The following SPEG variants were observed in gnomAD, a reference collection of about 807,000 sequenced individuals.
SPEG encodes the protein striated muscle enriched protein kinase.
SPEG carries 114 observed loss-of-function variants against 300.4 expected under a neutral mutation model. The observed-to-expected ratio is 0.38, with a 90% CI of 0.33 to 0.44. The LOEUF (loss-of-function observed/expected upper bound fraction) is 0.44. SPEG is among the 20% of genes least tolerant of loss of function. The pLI, the probability that SPEG is intolerant of heterozygous loss-of-function variation, is 1.00. For missense variants in SPEG, 4,201 were observed against 4,586.2 expected (o/e 0.92, Z 2.43); for synonymous variants, 1,964 against 2,018.9 (o/e 0.97, Z 0.73).
At chr2:219,455,122 A>T (rs1052746812) in intron 6 of SPEG, among the ~76,000 whole-genome samples, 31 of 152,086 alleles carry the variant, frequency 2.0e-4, no homozygotes, top group African/African-American at 6.8e-4. Flanking sequence ...AATAAATAAA[A>T]AATACATGAC....
Position 219,448,263 on chromosome 2 carries a change from G to A in SPEG, c.1105G>A (p.Ala369Thr), listed in dbSNP as rs765114391. ...GTCCGGGCCCTCCCTGGCGGGCACC[G>A]CGGAATCCCGACCCCAGACGCCACT... is the stretch of plus-strand genomic sequence containing the variant. Reference protein sequence around the residue: ...KSSGPSLAGTAESRPQTPLSE... With the variant: ...KSSGPSLAGTTESRPQTPLSE... The change falls in exon 4 of 41, where the codon GCG becomes ACG. Residue 369 changes from alanine to threonine, a missense_variant. Physicochemically the swap from Ala to Thr is moderately conservative, Grantham distance 58 (BLOSUM62 0). Coordinates refer to ENST00000312358, the MANE Select transcript of SPEG (RefSeq NM_005876.5). 1.2e-6 allele frequency: 2 copies of A among 1,611,986 alleles called. No homozygotes were observed. The highest frequency in any genetic ancestry group is 1.3e-5 in the African/African-American group (1 of 74,890).
intron 28 of SPEG, chr2:219,482,125 A>C: frequency 4.6e-6 from 1 of 215,504 alleles, no homozygotes. Flanking sequence ...TTCATCTTCA[A>C]ACCCCAGTGC....
At chr2:219,482,898 C>T (rs1692989054) in intron 29 of SPEG, 46 bp downstream of exon 29, 1 of 1,581,406 alleles carries the variant, frequency 6.3e-7, no homozygotes. Context: ...TTCTCCTTTT[C>T]TCTAGCACTG....
At position 219,477,712 on chromosome 2, in the gene SPEG, G is replaced by C. The variant is rs754495766; in HGVS notation, c.4753G>C (p.Gly1585Arg). ...HSAQTAMEVE[G>R]VGEDEDHRGR... ...AGCTCAGACAGCTATGGAGGTCGAGGGGGTCGGGGAGGATGAGGACCATCG... is the reference window on the plus strand; with the variant it reads ...AGCTCAGACAGCTATGGAGGTCGAGCGGGTCGGGGAGGATGAGGACCATCG... Residue 1585 changes from glycine (G) to arginine (R), a missense_variant, in exon 21 of 41, where the codon GGG becomes CGG. Coordinates refer to ENST00000312358, the MANE Select transcript of SPEG (RefSeq NM_005876.5). The surrounding 1 kb of genome is among the most constrained non-coding windows in gnomAD (Gnocchi z 6.4). 11 of 1,600,124 alleles carry C rather than the reference G, an allele frequency of 6.9e-6. No individual in the cohort carries two copies. The highest frequency in any genetic ancestry group is 8.5e-6 in the Non-Finnish European group (10 of 1,171,432).
chr2:219,465,932 T>C (rs989279160), intron 9 of SPEG: 21 of 631,574 alleles, frequency 3.3e-5, no homozygotes, highest in African/African-American at 2.6e-4. Context: ...TGCGCGCGTG[T>C]GCGTGCACGT....
At chr2:219,467,109 G>A (rs1691436044) in intron 9 of SPEG, 65 bp from the exon 10 acceptor site, 3 of 1,495,224 alleles carry the variant, frequency 2.0e-6, no homozygotes, top group Non-Finnish European at 2.7e-6. Flanking sequence ...GCGTGCGTAT[G>A]TGTGTCTCCC....
At position 219,461,941 on chromosome 2, in the gene SPEG, C is replaced by A. The variant is rs768953678; in HGVS notation, c.2500C>A (p.Pro834Thr). The change falls in exon 7 of 41, where the codon CCA (proline) becomes ACA (threonine). Residue 834 changes from proline to threonine, a missense_variant. Pro to Thr is a conservative substitution (Grantham distance 38, BLOSUM62 -1). Coordinates refer to ENST00000312358, the MANE Select transcript of SPEG (RefSeq NM_005876.5). ...ITSDEEYLSP[P>T]EEFPEPGETW... is the part of the protein sequence containing the mutation. ...CTCCGACGAGGAATACCTGAGCCCC[C>A]CAGAGGAGTTCCCAGAGCCTGGGGA... 3 of 1,613,978 alleles carry A rather than the reference C, an allele frequency of 1.9e-6. No homozygotes were observed. Among genetic ancestry groups the A allele is most frequent in the Non-Finnish European group, 2.5e-6 (3 of 1,179,954 alleles).
In SPEG at chr2:219,435,067, G is replaced by C. The variant is rs945370573; in HGVS notation, c.90G>C (p.Gly30=). The change falls in exon 1 of 41, where the codon GGG becomes GGC. Residue 30 remains glycine, a synonymous_variant. Coordinates refer to ENST00000312358, the MANE Select transcript of SPEG (RefSeq NM_005876.5). ...TGCCCCCGAAAAGGGCCAAGGTGGG[G>C]GCCGGCGGCGGGGCTCCTGTGGCCG... ...PGVPPKRAKV[G]AGGGAPVAVA... 6.8e-7 allele frequency: 1 copy of C among 1,473,282 alleles called. No homozygotes were observed. Among genetic ancestry groups the C allele is most frequent in the Non-Finnish European group, 8.9e-7 (1 of 1,121,872 alleles). The allele number at this position is 1,473,282 out of a possible 1,614,324, so 91.3% of individuals were successfully genotyped here. A position where few individuals can be genotyped will look rare whatever the true frequency, so the allele number is the denominator to read the frequency against.
chr2:219,449,140 G>GGGC lies in SPEG; in HGVS notation c.1985_1987dup (p.Ala662dup). Reference sequence around the variant, plus strand: ...GTACCCCAGACCTTGGAGAAGAACAGGGCGGGGCCTGAGGCAGAGAAGAGG... The same window carrying GGGC: ...GTACCCCAGACCTTGGAGAAGAACAGGGCGGCGGGGCCTGAGGCAGAGAAGAGG... On this transcript the variant is annotated inframe_insertion, in exon 4 of 41. Transcript: ENST00000312358. The GGGC allele has an allele frequency of 6.9e-7, 1 of 1,439,192 alleles. No individual in the cohort carries two copies. Among genetic ancestry groups the GGGC allele is most frequent in the Non-Finnish European group, 9.1e-7 (1 of 1,096,734 alleles). 89.2% of individuals were successfully genotyped at this position (1,439,192 alleles called of 1,614,324 possible).
In SPEG at chr2:219,489,632, C is replaced by T; in HGVS notation, c.8614C>T (p.Pro2872Ser). ...CAGTACCCACGTCACCCCAAGTGAG[C>T]CCAAGCCTTTCGTCCTTGACACTGG... ...LPSTHVTPSE[P>S]KPFVLDTGTP... The change falls in exon 36 of 41, where the codon CCC becomes TCC. Residue 2872 changes from proline to serine, a missense_variant. By Grantham distance (74) the Pro-to-Ser change is moderately conservative. This residue lies in a region of SPEG where 1,578 missense variants were observed against 1,506.0 expected (regional missense o/e 1.05). Coordinates refer to ENST00000312358, the MANE Select transcript of SPEG (RefSeq NM_005876.5). The T allele has an allele frequency of 1.2e-6, 2 of 1,613,958 alleles. No homozygotes were observed. Among genetic ancestry groups the T allele is most frequent in the Non-Finnish European group, 1.7e-6 (2 of 1,179,994 alleles).
rs56928189 is a variant in SPEG at position 219,480,752 on chromosome 2, T to A, written c.5369+55T>A. The A allele has an allele frequency of 5.3e-3, 8,276 of 1,553,926 alleles. 389 individuals carry two copies. The African/African-American group carries it at 0.095, about 18-fold the overall frequency. On this transcript the variant is annotated intron_variant, in intron 26 of 40. Transcript: ENST00000312358. This position sits in a 1 kb window ranked among gnomAD's most constrained non-coding sequence, Gnocchi z 5.3. ...TCTCCTGGCAGGTCTACCCCTAACC[T>A]TTGCAGGGCTGCAGCCCACCCCCTT... is the stretch of plus-strand genomic sequence containing the variant.
intron 4 of SPEG, among the ~76,000 whole-genome samples, chr2:219,449,939 C>G (rs1472310719): frequency 2.6e-5 from 4 of 152,142 alleles, no homozygotes; most frequent in African/African-American, 9.7e-5. Flanking sequence ...GAGAATGGCT[C>G]TGCACCCCAC....
At position 219,484,938 on chromosome 2, in the gene SPEG, G is replaced by C. The variant is rs1427721693; in HGVS notation, c.7475G>C (p.Arg2492Pro). The C allele has an allele frequency of 2.6e-6, 4 of 1,528,940 alleles. No individual in the cohort carries two copies. Among genetic ancestry groups the C allele is most frequent in the Non-Finnish European group, 3.5e-6 (4 of 1,144,370 alleles). The allele number at this position is 1,528,940 out of a possible 1,614,324, so 94.7% of individuals were successfully genotyped here. A position where few individuals can be genotyped will look rare whatever the true frequency, so the allele number is the denominator to read the frequency against. The change falls in exon 30 of 41, where the codon CGC becomes CCC. Residue 2492 changes from arginine (R) to proline (P), a missense_variant. Physicochemically the swap from Arg to Pro is moderately radical, Grantham distance 103. Transcript: ENST00000312358. ...AGCACGCCGCTGTTCGGACGGCTTC[G>C]CAGGGCCACGTCCGAGGGCGAGAGT... ...GRSTPLFGRL[R>P]RATSEGESLR...
At chr2:219,456,692 G>T (rs957916206) in intron 6 of SPEG, among the ~76,000 whole-genome samples, 1 of 152,078 alleles carries the variant, frequency 6.6e-6, no homozygotes, top group East Asian at 1.9e-4. Flanking sequence ...GGTGGATCAT[G>T]AGGTCAGGAG....
chr2:219,465,881 G>A (rs527578949), intron 9 of SPEG: 11 of 634,308 alleles, frequency 1.7e-5, no homozygotes, highest in Admixed American at 7.1e-5. Context: ...GTGTGCGTGC[G>A]TGTGCATGTG....
Position 219,489,922 on chromosome 2 carries a change from C to T in SPEG, c.8904C>T (p.Phe2968=). 1 of 1,571,860 alleles carries T rather than the reference C, an allele frequency of 6.4e-7. No individual in the cohort carries two copies. The highest frequency in any genetic ancestry group is 1.2e-5 in the South Asian group (1 of 86,478). The change falls in exon 36 of 41, where the codon TTC becomes TTT. Residue 2968 remains phenylalanine, a synonymous_variant. Coordinates refer to ENST00000312358, the MANE Select transcript of SPEG (RefSeq NM_005876.5). The part of the protein sequence containing the change: ...RQGPPQKPYT[F]LEEKARGRFG... ...GTCCCCCTCAGAAACCCTACACCTT[C>T]CTGGAGGAGAAAGCCAGGCAAGCAG...
intron 18 of SPEG, among the ~76,000 whole-genome samples, chr2:219,475,213 T>C (rs538944927): frequency 6.6e-6 from 1 of 152,174 alleles, no homozygotes; most frequent in Non-Finnish European, 1.5e-5. Context: ...TAACCGCCAC[T>C]CAGAACTCCT....
In SPEG at chr2:219,473,300, G is replaced by A. The variant is rs1476253270; in HGVS notation, c.4147+204G>A. On this transcript the variant is annotated intron_variant, in intron 16 of 40. Coordinates refer to ENST00000312358, the MANE Select transcript of SPEG (RefSeq NM_005876.5). The surrounding 1 kb of genome is among the most constrained non-coding windows in gnomAD (Gnocchi z 4.6). ...TGGCTGAAGCTCAGGCTTTGGGATC[G>A]GGCCTGCTGGGGTCCAACCCCACAA... The A allele has an allele frequency of 4.1e-5, 30 of 732,408 alleles. No homozygotes were observed. In the East Asian group the frequency reaches 5.7e-4, roughly 14 times the overall value. 45.4% of individuals were successfully genotyped at this position (732,408 alleles called of 1,614,324 possible).
intron 38 of SPEG, 130 bp downstream of exon 38, chr2:219,491,086 G>C (rs545104362): frequency 1.4e-6 from 1 of 699,082 alleles, no homozygotes; most frequent in African/African-American, 1.8e-5. Flanking sequence ...AATGAACGAA[G>C]TATGTGGATT....
Sources: gnomAD v4.1 joint callset for allele counts (sites outside exome capture counted in the v4.1 genomes callset) on GRCh38, gnomAD v4.1.1 for gene constraint, gnomAD v4.1.1 regional missense constraint, Gnocchi (gnomAD v3.1) non-coding constraint, MANE v1.5 for transcripts, NCBI Gene and HGNC (gene_info 2026-07-23, HGNC 2026-07-21) for gene names.